The following FRK variants were observed in gnomAD, a reference collection of about 807,000 sequenced individuals.
The protein encoded by FRK is fyn related Src family tyrosine kinase.
Under a neutral mutation model 56.4 loss-of-function variants are expected in FRK, and 51 were observed. That is an observed-to-expected ratio of 0.90 (90% confidence interval 0.72 to 1.14). The LOEUF (loss-of-function observed/expected upper bound fraction) is 1.14. FRK is among the 50% of genes most tolerant of loss of function. The pLI, the probability that FRK is intolerant of heterozygous loss-of-function variation, is 0.00. For synonymous variants in FRK, 245 were observed against 217.9 expected (o/e 1.12, Z -1.10); for missense variants, 570 against 601.4 (o/e 0.95, Z 0.55).
At chr6:115,959,269 G>T (rs1403683922) in intron 4 of FRK, among the ~76,000 whole-genome samples, 1 of 152,132 alleles carries the variant, frequency 6.6e-6, no homozygotes, top group African/African-American at 2.4e-5. Flanking sequence ...CTATTACACT[G>T]TAAATCAATA....
rs1361368055 is a variant in FRK, at chr6:115,961,341, G to T, written c.800-4731C>A. 3.4e-5 allele frequency among the ~76,000 whole-genome samples: 4 copies of T among 116,010 alleles called. No individual in the cohort carries two copies. In the Admixed American group the frequency reaches 4.1e-4, roughly 12 times the overall value. 76.1% of individuals were successfully genotyped at this position (116,010 alleles called of 152,430 possible). On this transcript the variant is annotated intron_variant, in intron 4 of 7. Transcript: ENST00000606080. ...GAAATGAAGCAAGAAGGGAAGTTTA[G>T]AGAAAAAAGAATAAAAAGAAATGAG... is the stretch of plus-strand genomic sequence containing the variant.
chr6:115,932,256 G>GA lies in FRK; in HGVS notation c.*10157dup, dbSNP rs1262243450. The GA allele has an allele frequency of 6.6e-6, 1 of 152,140 alleles. No homozygotes were observed. The highest frequency in any genetic ancestry group is 2.4e-5 in the African/African-American group (1 of 41,430). The allele number at this position is 152,140 out of a possible 1,614,324, so 9.4% of individuals were successfully genotyped here. A position where few individuals can be genotyped will look rare whatever the true frequency, so the allele number is the denominator to read the frequency against. On this transcript the variant is annotated 3_prime_UTR_variant, in exon 8 of 8. Coordinates refer to ENST00000606080, the MANE Select transcript of FRK (RefSeq NM_002031.3). ...ACATCACTTTCTTAACAAAAGCAGA[G>GA]AAAAATCTAAGAGTTTAGTGGGGGA...
At chr6:115,967,523 T>C in intron 4 of FRK, 28 bp downstream of exon 4, 1 of 1,604,334 alleles carries the variant, frequency 6.2e-7, no homozygotes. Context: ...AATCAACATA[T>C]GCCATTTAAC....
chr6:116,072,559 ACACAC>A, the FRK span, among the ~76,000 whole-genome samples: 8 of 148,060 alleles, frequency 5.4e-5, no homozygotes, highest in South Asian at 2.1e-4. Flanking sequence ...ACACACACAC[ACACAC>A]AAGATACCTT....
chr6:115,976,368 G>C (rs574051410), intron 2 of FRK, among the ~76,000 whole-genome samples: 57 of 152,160 alleles, frequency 3.7e-4, no homozygotes, highest in African/African-American at 1.3e-3. Context: ...TCCAAAATTA[G>C]ATTTTTAAAA....
At chr6:116,078,492 T>C in the FRK span, among the ~76,000 whole-genome samples, 1 of 152,162 alleles carries the variant, frequency 6.6e-6, no homozygotes, top group Non-Finnish European at 1.5e-5. Flanking sequence ...AAGGGGTTGG[T>C]TTGTTTGTTT....
chr6:115,949,745 CA>C (rs1772641197), intron 5 of FRK, among the ~76,000 whole-genome samples: 1 of 152,124 alleles, frequency 6.6e-6, no homozygotes. Flanking sequence ...GCAAAAATAA[CA>C]AAGCTGGAGG....
At chr6:116,008,105 A>G (rs1405550552) in intron 1 of FRK, among the ~76,000 whole-genome samples, 1 of 152,200 alleles carries the variant, frequency 6.6e-6, no homozygotes, top group Non-Finnish European at 1.5e-5. Flanking sequence ...CCATTACATA[A>G]GTTTTATGTA....
chr6:115,942,502 C>T lies in FRK; in HGVS notation c.1430G>A (p.Arg477Gln), dbSNP rs199509116. The change falls in exon 8 of 8, where the codon CGA becomes CAA. Residue 477 changes from arginine (R) to glutamine (Q), a missense_variant. Arg to Gln is a conservative substitution (Grantham distance 43, BLOSUM62 1). Coordinates refer to ENST00000606080, the MANE Select transcript of FRK (RefSeq NM_002031.3). The stretch of plus-strand genomic sequence containing the variant: ...CCAACGCAGTGTCTCAAATGTAGGT[C>T]GTTCCTTAGGCTCTGCATTCCAGCA... ...LECWNAEPKE[R>Q]PTFETLRWKL... 9.9e-6 allele frequency: 16 copies of T among 1,613,722 alleles called. No individual in the cohort carries two copies. The highest frequency in any genetic ancestry group is 6.7e-5 in the East Asian group (3 of 44,876).
At position 115,943,080 on chromosome 6, in the gene FRK, C is replaced by A. The variant is rs772080212; in HGVS notation, c.1246G>T (p.Val416Leu). ...RSNKFSIKSD[V>L]WSFGILLYEI... Reference sequence around the variant, plus strand: ...TAAAGAAGGATTCCAAATGACCATACATCGGACTTAATGCTGAATTTATTA... The same window carrying A: ...TAAAGAAGGATTCCAAATGACCATAAATCGGACTTAATGCTGAATTTATTA... The change falls in exon 7 of 8, where the codon GTA (valine) becomes TTA (leucine). Residue 416 changes from valine to leucine, a missense_variant. Physicochemically the swap from Val to Leu is conservative, Grantham distance 32. Coordinates refer to ENST00000606080, the MANE Select transcript of FRK (RefSeq NM_002031.3). 6.2e-7 allele frequency: 1 copy of A among 1,613,502 alleles called. No individual in the cohort carries two copies. The highest frequency in any genetic ancestry group is 8.5e-7 in the Non-Finnish European group (1 of 1,179,714).
At chr6:116,029,877 CT>C (rs1337085901) in intron 1 of FRK, among the ~76,000 whole-genome samples, 1 of 152,070 alleles carries the variant, frequency 6.6e-6, no homozygotes, top group African/African-American at 2.4e-5. Flanking sequence ...CCCTTAATCC[CT>C]TTTTTAACCT....
chr6:116,093,904 G>C, the FRK span, among the ~76,000 whole-genome samples: 2 of 152,018 alleles, frequency 1.3e-5, no homozygotes, highest in Admixed American at 6.6e-5. Flanking sequence ...GTGAGCCCTG[G>C]GCCCTGAACA....
the FRK span, among the ~76,000 whole-genome samples, chr6:116,069,054 T>G: frequency 1.3e-5 from 2 of 152,190 alleles, no homozygotes; most frequent in Non-Finnish European, 2.9e-5. Context: ...AATATAGTTA[T>G]CCATGGTTTA....
At chr6:116,023,260 T>C (rs925590114) in intron 1 of FRK, among the ~76,000 whole-genome samples, 9 of 152,262 alleles carry the variant, frequency 5.9e-5, no homozygotes, top group African/African-American at 2.2e-4. Context: ...ATACATTGAC[T>C]CTATGATGCA....
At chr6:116,028,312 T>G (rs373248931) in intron 1 of FRK, among the ~76,000 whole-genome samples, 21 of 152,312 alleles carry the variant, frequency 1.4e-4, no homozygotes, top group African/African-American at 5.1e-4. Flanking sequence ...TTTTATCTAA[T>G]AAAATTTCAG....
intron 2 of FRK, among the ~76,000 whole-genome samples, chr6:115,970,208 A>T (rs977008403): frequency 5.3e-5 from 8 of 152,096 alleles, no homozygotes; most frequent in African/African-American, 1.9e-4. Flanking sequence ...AAGGAAGTGG[A>T]GTGACTTCCC....
intron 1 of FRK, among the ~76,000 whole-genome samples, chr6:116,006,515 G>T (rs1473520695): frequency 2.6e-5 from 4 of 152,152 alleles, no homozygotes; most frequent in African/African-American, 9.7e-5. Flanking sequence ...TTCACTTCTA[G>T]ACTACATGCT....
At chr6:116,036,460 A>C (rs184744874) in intron 1 of FRK, among the ~76,000 whole-genome samples, 1 of 152,330 alleles carries the variant, frequency 6.6e-6, no homozygotes, top group East Asian at 1.9e-4. Context: ...TGATAACAGA[A>C]AACATGAGTT....
chr6:115,939,640 G>A lies in FRK; in HGVS notation c.*2774C>T, dbSNP rs1462355645. The A allele has an allele frequency of 6.6e-6, 1 of 152,156 alleles. No homozygotes were observed. The highest frequency in any genetic ancestry group is 2.4e-5 in the African/African-American group (1 of 41,406). 9.4% of individuals were successfully genotyped at this position (152,156 alleles called of 1,614,324 possible). A position where few individuals can be genotyped will look rare whatever the true frequency, so the allele number is the denominator to read the frequency against. On this transcript the variant is annotated 3_prime_UTR_variant, in exon 8 of 8. Transcript: ENST00000606080. ...GATAAGCAACTTCAGCAAAGTCTCA[G>A]GATACAAAATCAATGTGCAAAAATC...
Sources: gnomAD v4.1 joint callset for allele counts (sites outside exome capture counted in the v4.1 genomes callset) on GRCh38, gnomAD v4.1.1 for gene constraint, MANE v1.5 for transcripts, NCBI Gene and HGNC (gene_info 2026-07-23, HGNC 2026-07-21) for gene names.